Variants in METAP1D observed in about 807,000 individuals in gnomAD.
The protein encoded by METAP1D is methionine aminopeptidase 1D, mitochondrial.
Under a neutral mutation model 40.5 loss-of-function variants are expected in METAP1D, and 31 were observed. That is an observed-to-expected ratio of 0.77 (90% CI 0.58 to 1.03). METAP1D has a LOEUF of 1.03. Among genes scored for constraint, METAP1D ranks in the 50% least tolerant of loss-of-function variants. The pLI is 0.00. For synonymous variants in METAP1D, 151 were observed against 146.4 expected (o/e 1.03, Z -0.22); for missense variants, 411 against 420.7 (o/e 0.98, Z 0.20).
At chr2:172,045,850 T>C (rs13429504) in intron 1 of METAP1D, among the ~76,000 whole-genome samples, 14 of 115,110 alleles carry the variant, frequency 1.2e-4, no homozygotes, top group African/African-American at 4.8e-4. Context: ...TATATATATA[T>C]ATATATATAT....
At chr2:172,001,377 T>A (rs1295315332) in intron 1 of METAP1D, among the ~76,000 whole-genome samples, 1 of 151,066 alleles carries the variant, frequency 6.6e-6, no homozygotes, top group Non-Finnish European at 1.5e-5. Context: ...CCGTCTCTAC[T>A]AATATACACA....
chr2:172,066,120 T>G, intron 4 of METAP1D, 144 bp from the exon 5 acceptor site: 1 of 645,568 alleles, frequency 1.5e-6, no homozygotes, highest in Non-Finnish European at 2.6e-6. Context: ...AAAGATTAGA[T>G]TTAGTTATCC....
chr2:172,043,015 GTACACATATATGTGTATA>G (rs1458556339), intron 1 of METAP1D, among the ~76,000 whole-genome samples: 1 of 78,480 alleles, frequency 1.3e-5, no homozygotes, highest in Admixed American at 1.2e-4. Flanking sequence ...ATGTGTATGT[GTACACATATATGTGTATA>G]TGTGTACACG....
chr2:172,055,572 A>G (rs148452902), intron 1 of METAP1D, among the ~76,000 whole-genome samples: 39 of 152,324 alleles, frequency 2.6e-4, no homozygotes, highest in African/African-American at 9.4e-4. Context: ...TAAAGGTACC[A>G]TGACTTATGC....
intron 1 of METAP1D, among the ~76,000 whole-genome samples, chr2:172,018,861 A>G (rs1418640755): frequency 1.3e-5 from 2 of 152,062 alleles, no homozygotes; most frequent in Admixed American, 6.6e-5. Flanking sequence ...TCCAGGATCC[A>G]ATTCGGTATT....
chr2:172,059,966 G>C (rs1490362627), intron 1 of METAP1D, among the ~76,000 whole-genome samples: 1 of 152,124 alleles, frequency 6.6e-6, no homozygotes, highest in Non-Finnish European at 1.5e-5. Context: ...CAGGAGAATT[G>C]CTTGGACCTG....
intron 1 of METAP1D, among the ~76,000 whole-genome samples, chr2:172,045,838 T>TATATATATATATAC (rs1689750278): frequency 2.1e-5 from 2 of 94,812 alleles, no homozygotes; most frequent in East Asian, 3.0e-4. Flanking sequence ...TATATATATA[T>TATATATATATATAC]ATATATATAT....
Position 172,035,982 on chromosome 2 carries a change from A to C in METAP1D, c.41-25516A>C, listed in dbSNP as rs1045059305. On this transcript the variant is annotated intron_variant, in intron 1 of 9. Transcript: ENST00000315796. ...TATTTTAAGGATCCATTTATATTGT[A>C]TCTGTAGTGAATTCATTTTTTTTGC... Among the ~76,000 whole-genome samples the C allele has an allele frequency of 2.0e-5, 3 of 151,980 alleles. No individual in the cohort carries two copies. In the South Asian group the frequency reaches 6.2e-4, roughly 32 times the overall value.
intron 2 of METAP1D, chr2:172,062,091 T>A (rs1047024008): frequency 6.6e-6 from 1 of 152,188 alleles, no homozygotes; most frequent in Admixed American, 6.6e-5. Flanking sequence ...CTTTGAATTG[T>A]CTTTTAGACT....
Position 172,080,427 on chromosome 2 carries a change from G to A in METAP1D, c.*21G>A, listed in dbSNP as rs375294546. ...CCTGAGGAGCCGCCCGAAGGTCGCG[G>A]TGACCTGGTGCCTTTTTAAATAAAT... On this transcript the variant is annotated 3_prime_UTR_variant, in exon 10 of 10. Transcript: ENST00000315796. 1.6e-5 allele frequency: 25 copies of A among 1,611,594 alleles called. No homozygotes were observed. The highest frequency in any genetic ancestry group is 2.1e-5 in the Non-Finnish European group (25 of 1,178,034).
At chr2:172,059,937 G>A (rs1286616035) in intron 1 of METAP1D, among the ~76,000 whole-genome samples, 1 of 152,178 alleles carries the variant, frequency 6.6e-6, no homozygotes, top group Admixed American at 6.5e-5. Context: ...TGCAGTCCCA[G>A]CTACTCTGGA....
intron 1 of METAP1D, among the ~76,000 whole-genome samples, chr2:172,039,642 G>A (rs1237737890): frequency 6.6e-6 from 1 of 151,822 alleles, no homozygotes; most frequent in Admixed American, 6.6e-5. Context: ...GTGGGGTGGG[G>A]GTGATGGAGC....
intron 1 of METAP1D, among the ~76,000 whole-genome samples, chr2:172,041,726 T>TATATATATATATATATA (rs1553493427): frequency 2.7e-5 from 1 of 37,560 alleles, no homozygotes; most frequent in Non-Finnish European, 6.4e-5. Flanking sequence ...TCTAATTATT[T>TATATATATATATATATA]TATATATATA....
intron 1 of METAP1D, among the ~76,000 whole-genome samples, chr2:172,026,943 A>G (rs1689131611): frequency 6.6e-6 from 1 of 152,178 alleles, no homozygotes; most frequent in Admixed American, 6.6e-5. Context: ...AGGAGCAGAC[A>G]ATTATGACTT....
At chr2:172,032,219 G>A (rs912247855) in intron 1 of METAP1D, among the ~76,000 whole-genome samples, 1 of 152,170 alleles carries the variant, frequency 6.6e-6, no homozygotes, top group African/African-American at 2.4e-5. Flanking sequence ...AAATAAAAGT[G>A]TGAGAAGAAA....
intron 4 of METAP1D, among the ~76,000 whole-genome samples, chr2:172,066,040 T>C (rs187820315): frequency 6.6e-6 from 1 of 152,286 alleles, no homozygotes; most frequent in East Asian, 1.9e-4. Context: ...ATGTGGCAAA[T>C]TTTTCTTATC....
intron 1 of METAP1D, among the ~76,000 whole-genome samples, chr2:172,032,267 A>C: frequency 6.6e-6 from 1 of 152,214 alleles, no homozygotes; most frequent in East Asian, 1.9e-4. Context: ...AGTCTGAGAG[A>C]TTAATAGTTT....
chr2:172,027,733 G>A (rs781417958), intron 1 of METAP1D, among the ~76,000 whole-genome samples: 8 of 152,136 alleles, frequency 5.3e-5, no homozygotes, highest in South Asian at 2.1e-4. Flanking sequence ...TTCAGTTGTC[G>A]TTTGTGCTAA....
chr2:172,001,711 C>T (rs775123135), intron 1 of METAP1D, among the ~76,000 whole-genome samples: 7 of 151,952 alleles, frequency 4.6e-5, no homozygotes, highest in Admixed American at 1.3e-4. Context: ...GGTGATGTAG[C>T]GAGCATTTTG....
Sources: allele counts gnomAD v4.1 joint callset (sites outside exome capture counted in the v4.1 genomes callset), GRCh38; gene constraint gnomAD v4.1.1; transcripts MANE v1.5; gene names NCBI Gene and HGNC (gene_info 2026-07-23, HGNC 2026-07-21).